E2F1: variants seen among roughly 807,000 people sequenced by gnomAD.
E2F1 encodes the protein transcription factor E2F1.
E2F1 carries 7 observed loss-of-function variants against 36.9 expected under a neutral mutation model. The observed-to-expected ratio is 0.19, with a 90% confidence interval of 0.11 to 0.36. The LOEUF is 0.36. Ranked by LOEUF, E2F1 falls within the 10% of genes least tolerant of loss-of-function variation. The pLI, the probability that E2F1 is intolerant of heterozygous loss-of-function variation, is 1.00. For synonymous variants in E2F1, 261 were observed against 263.1 expected, an observed-to-expected ratio of 0.99 and a Z score of 0.08; for missense variants, 406 against 573.6, an observed-to-expected ratio of 0.71 and a Z score of 2.99.
chr20:33,676,685 A>C lies in E2F1; in HGVS notation c.*47T>G. On this transcript the variant is annotated 3_prime_UTR_variant, in exon 7 of 7. Transcript: ENST00000343380. ...CAGGGACAGGGGGCTCCAGGGCTGCAGAGACAAGGTGAGCATCTCTGGAAA... is the reference window on the plus strand; with the variant it reads ...CAGGGACAGGGGGCTCCAGGGCTGCCGAGACAAGGTGAGCATCTCTGGAAA... 1 of 1,546,038 alleles carries C rather than the reference A, an allele frequency of 6.5e-7. No homozygotes were observed. Among genetic ancestry groups the C allele is most frequent in the Non-Finnish European group, 8.7e-7 (1 of 1,144,558 alleles).
chr20:33,677,207 T>A lies in E2F1; in HGVS notation c.964A>T (p.Asn322Tyr), dbSNP rs1426219585. 1 of 1,613,938 alleles carries A rather than the reference T, an allele frequency of 6.2e-7. No individual in the cohort carries two copies. The highest frequency in any genetic ancestry group is 1.3e-5 in the African/African-American group (1 of 74,876). ...PSQEVTSEEE[N>Y]RATDSATIVS... ...ATGGTGGCAGAGTCAGTGGCCCTGT[T>A]CTCCTCCTCAGAAGTGACCTCCTGG... is the stretch of plus-strand genomic sequence containing the variant. The change falls in exon 6 of 7, where the codon AAC (asparagine) becomes TAC (tyrosine). Residue 322 changes from asparagine (N) to tyrosine (Y), a missense_variant. This residue lies in a region of E2F1 where 163 missense variants were observed against 181.5 expected (regional missense o/e 0.90). Coordinates refer to ENST00000343380, the MANE Select transcript of E2F1 (RefSeq NM_005225.3).
chr20:33,685,756 G>A (rs2018061585), intron 1 of E2F1, among the ~76,000 whole-genome samples: 2 of 152,196 alleles, frequency 1.3e-5, no homozygotes, highest in Admixed American at 6.5e-5. Flanking sequence ...TGAGTCCGAC[G>A]CTGGGGAGGC....
intron 1 of E2F1, 48 bp downstream of exon 1, chr20:33,685,956 C>T (rs2018064003): frequency 3.6e-6 from 4 of 1,112,150 alleles, no homozygotes; most frequent in Non-Finnish European, 4.4e-6. Flanking sequence ...CGGGTCTGCG[C>T]GGGGGGCACA....
chr20:33,680,227 C>T lies in E2F1; in HGVS notation c.352+99G>A, dbSNP rs1164971156. ...GGTCCTCAGAGGCCTGGCTCAAGCC[C>T]GACAAGCCAGACGTTAGCTTGCAAG... On this transcript the variant is annotated intron_variant, in intron 2 of 6. Transcript: ENST00000343380. 16 of 1,359,970 alleles carry T rather than the reference C, an allele frequency of 1.2e-5. No individual in the cohort carries two copies. In the Admixed American group the frequency reaches 2.3e-4, roughly 19 times the overall value. The allele number at this position is 1,359,970 out of a possible 1,614,324, so 84.2% of individuals were successfully genotyped here. A position where few individuals can be genotyped will look rare whatever the true frequency, so the allele number is the denominator to read the frequency against.
Position 33,686,193 on chromosome 20 carries a change from C to G in E2F1, c.72G>C (p.Ala24=), listed in dbSNP as rs1301906475. The part of the protein sequence containing the change: ...PALEALLGAG[A]LRLLDSSQIV... ...TCTGCGAGGAGTCGAGCAGCCGCAG[C>G]GCGCCGGCCCCGAGCAGGGCCTCCA... The change falls in exon 1 of 7, where the codon GCG becomes GCC. Residue 24 remains alanine (A), a synonymous_variant. Transcript: ENST00000343380. The G allele has an allele frequency of 2.9e-6, 3 of 1,041,260 alleles. No individual in the cohort carries two copies. Among genetic ancestry groups the G allele is most frequent in the South Asian group, 4.0e-5 (1 of 24,994 alleles). The allele number at this position is 1,041,260 out of a possible 1,614,324, so 64.5% of individuals were successfully genotyped here. A position where few individuals can be genotyped will look rare whatever the true frequency, so the allele number is the denominator to read the frequency against.
intron 5 of E2F1, 46 bp downstream of exon 5, chr20:33,677,380 C>A (rs2017975374): frequency 1.2e-6 from 2 of 1,602,678 alleles, no homozygotes; most frequent in Non-Finnish European, 1.7e-6. Flanking sequence ...TGACCACCAG[C>A]CCAGCCCAGC....
chr20:33,685,114 A>G (rs2018053931), intron 1 of E2F1, among the ~76,000 whole-genome samples: 1 of 152,122 alleles, frequency 6.6e-6, no homozygotes, highest in Admixed American at 6.5e-5. Flanking sequence ...GGGCTTTATT[A>G]AAGGATCTCC....
At position 33,686,356 on chromosome 20, in the gene E2F1, GC is replaced by G. The variant is rs2018070083; in HGVS notation, c.-93del. 1 of 956,696 alleles carries G rather than the reference GC, an allele frequency of 1.0e-6. No homozygotes were observed. Among genetic ancestry groups the G allele is most frequent in the Non-Finnish European group, 1.2e-6 (1 of 802,916 alleles). The allele number at this position is 956,696 out of a possible 1,614,324, so 59.3% of individuals were successfully genotyped here. A position where few individuals can be genotyped will look rare whatever the true frequency, so the allele number is the denominator to read the frequency against. ...CTCGGCGAGGGCTCGATCCCGCTCC[GC>G]CCCCGGCCGCCGCTGCCTGCAAAGT... On this transcript the variant is annotated 5_prime_UTR_variant, in exon 1 of 7. Transcript: ENST00000343380.
rs748480309 is a variant in E2F1, at chr20:33,676,891, C to A, written c.1155G>T (p.Glu385Asp). 48 of 1,573,878 alleles carry A rather than the reference C, an allele frequency of 3.0e-5. No homozygotes were observed. The highest frequency in any genetic ancestry group is 2.9e-4 in the Admixed American group (16 of 54,926). The change falls in exon 7 of 7, where the codon GAG becomes GAT. Residue 385 changes from glutamate (E) to aspartate (D), a missense_variant. Glu to Asp is a conservative substitution (Grantham distance 45). Around this residue, in one of 5 missense-constraint regions of E2F1, gnomAD observed 163 missense variants for 181.5 expected, o/e 0.90. Transcript: ENST00000343380. ...GGCCGGAGAAGTCCTCCCGCACATGCTCCAGGAGCGAGTCGGCCGCCACCA... is the reference window on the plus strand; with the variant it reads ...GGCCGGAGAAGTCCTCCCGCACATGATCCAGGAGCGAGTCGGCCGCCACCA... ...SPLVAADSLL[E>D]HVREDFSGLL...
chr20:33,684,227 T>C (rs2018043344), intron 1 of E2F1, among the ~76,000 whole-genome samples: 1 of 152,222 alleles, frequency 6.6e-6, no homozygotes, highest in Admixed American at 6.5e-5. Context: ...CCCATAATCC[T>C]GTTCAGATCT....
At chr20:33,681,104 T>C (rs1484356243) in intron 1 of E2F1, among the ~76,000 whole-genome samples, 1 of 152,130 alleles carries the variant, frequency 6.6e-6, no homozygotes, top group Non-Finnish European at 1.5e-5. Context: ...AGTGGTATGA[T>C]CACAACTCTC....
At position 33,676,653 on chromosome 20, in the gene E2F1, G is replaced by A; in HGVS notation, c.*79C>T. 1 of 1,503,922 alleles carries A rather than the reference G, an allele frequency of 6.6e-7. No homozygotes were observed. Among genetic ancestry groups the A allele is most frequent in the Non-Finnish European group, 8.9e-7 (1 of 1,125,458 alleles). The allele number at this position is 1,503,922 out of a possible 1,614,324, so 93.2% of individuals were successfully genotyped here. On this transcript the variant is annotated 3_prime_UTR_variant, in exon 7 of 7. Coordinates refer to ENST00000343380, the MANE Select transcript of E2F1 (RefSeq NM_005225.3). ...TTAAATGTTTCCAAACAGGCTGGGA[G>A]GACGGCCAGGGACAGGGGGCTCCAG...
Position 33,679,898 on chromosome 20 carries a change from C to T in E2F1, c.429G>A (p.Leu143=). Residue 143 remains leucine (L), a synonymous_variant, in exon 3 of 7, where the codon CTG becomes CTA. Transcript: ENST00000343380. The surrounding 1 kb of genome is among the most constrained non-coding windows in gnomAD (Gnocchi z 4.6). ...NLTTKRFLEL[L]SHSADGVVDL... ...CGACGACACCGTCAGCCGAGTGGCTCAGCAGCTCCAGGAAGCGCTTGGTGG... is the reference window on the plus strand; with the variant it reads ...CGACGACACCGTCAGCCGAGTGGCTTAGCAGCTCCAGGAAGCGCTTGGTGG... 6.2e-7 allele frequency: 1 copy of T among 1,614,264 alleles called. No individual in the cohort carries two copies. Among genetic ancestry groups the T allele is most frequent in the Non-Finnish European group, 8.5e-7 (1 of 1,180,054 alleles).
chr20:33,686,007 C>T lies in E2F1; in HGVS notation c.258G>A (p.Pro86=). ...PSAPRPALGR[P]PVKRRLDLET... ...GCGGCGTCCCTGGGGTCCGTACCGGCGGGCGGCCGAGCGCGGGCCGCGGCG... is the reference window on the plus strand; with the variant it reads ...GCGGCGTCCCTGGGGTCCGTACCGGTGGGCGGCCGAGCGCGGGCCGCGGCG... The change falls in exon 1 of 7, where the codon CCG becomes CCA. Residue 86 remains proline (P), a synonymous_variant. Transcript: ENST00000343380. 1 of 1,129,566 alleles carries T rather than the reference C, an allele frequency of 8.9e-7. No homozygotes were observed. The highest frequency in any genetic ancestry group is 1.1e-6 in the Non-Finnish European group (1 of 923,446). 70.0% of individuals were successfully genotyped at this position (1,129,566 alleles called of 1,614,324 possible).
intron 6 of E2F1, 24 bp from the exon 7 acceptor site, chr20:33,677,003 G>A: frequency 6.4e-7 from 1 of 1,557,284 alleles, no homozygotes; most frequent in Non-Finnish European, 8.7e-7. Flanking sequence ...GAGCATCACA[G>A]GCCGGGGATG....
At position 33,680,469 on chromosome 20, in the gene E2F1, C is replaced by A. The variant is rs2018007455; in HGVS notation, c.262-53G>T. The A allele has an allele frequency of 5.8e-6, 9 of 1,562,032 alleles. 1 individual carries two copies. In the South Asian group the frequency reaches 1.0e-4, roughly 18 times the overall value. ...TAACCAGGAGTGAGGCCAGAAGAGA[C>A]CTGGCTTAAGGCTGGGTGCCTCTGG... On this transcript the variant is annotated intron_variant, in intron 1 of 6. Transcript: ENST00000343380.
At chr20:33,678,710 T>C (rs2122544654) in intron 3 of E2F1, among the ~76,000 whole-genome samples, 1 of 151,434 alleles carries the variant, frequency 6.6e-6, no homozygotes, top group East Asian at 1.9e-4. Context: ...TCCCAGCACT[T>C]TGGGGGGCTG....
chr20:33,686,213 C>T lies in E2F1; in HGVS notation c.52G>A (p.Ala18Thr). ...AGGPCAPALE[A>T]LLGAGALRLL... is the part of the protein sequence containing the mutation. ...CGCAGCGCGCCGGCCCCGAGCAGGG[C>T]CTCCAGCGCCGGCGCGCATGGGCCG... The change falls in exon 1 of 7, where the codon GCC (alanine) becomes ACC (threonine). Residue 18 changes from alanine to threonine, a missense_variant. Coordinates refer to ENST00000343380, the MANE Select transcript of E2F1 (RefSeq NM_005225.3). The T allele has an allele frequency of 9.7e-7, 1 of 1,034,066 alleles. No homozygotes were observed. The highest frequency in any genetic ancestry group is 1.2e-6 in the Non-Finnish European group (1 of 863,256). The allele number at this position is 1,034,066 out of a possible 1,614,324, so 64.1% of individuals were successfully genotyped here.
chr20:33,677,585 C>G (rs1375915119), intron 4 of E2F1, 45 bp from the exon 5 acceptor site: 1 of 1,468,826 alleles, frequency 6.8e-7, no homozygotes, highest in South Asian at 1.2e-5. Flanking sequence ...TCTAGGGGGT[C>G]ACTCACTCCA....
Sources: allele counts gnomAD v4.1 joint callset (sites outside exome capture counted in the v4.1 genomes callset), GRCh38; gene constraint gnomAD v4.1.1; regional missense constraint gnomAD v4.1.1; non-coding constraint Gnocchi (gnomAD v3.1); transcripts MANE v1.5; gene names NCBI Gene and HGNC (gene_info 2026-07-23, HGNC 2026-07-21).